SLC25A13: variants seen among roughly 807,000 people sequenced by gnomAD.
SLC25A13 encodes electrogenic aspartate/glutamate antiporter SLC25A13, mitochondrial.
SLC25A13 carries 70 observed loss-of-function variants against 85.5 expected under a neutral mutation model. The ratio of observed to expected loss-of-function variants is 0.82; its 90% CI spans 0.68 to 1.00. The LOEUF is 1.00. Among genes scored for constraint, SLC25A13 ranks in the 50% least tolerant of loss-of-function variants. The pLI, the probability that SLC25A13 is intolerant of heterozygous loss-of-function variation, is 0.00. For missense variants in SLC25A13, 765 were observed against 819.8 expected (o/e 0.93, Z 0.82); for synonymous variants, 259 against 288.7 (o/e 0.90, Z 1.04).
At chr7:96,294,429 T>C (rs1799260774) in intron 2 of SLC25A13, among the ~76,000 whole-genome samples, 1 of 151,666 alleles carries the variant, frequency 6.6e-6, no homozygotes, top group South Asian at 2.1e-4. Context: ...TAAAGTATAA[T>C]AAAAAAATAA....
intron 3 of SLC25A13, among the ~76,000 whole-genome samples, chr7:96,275,532 A>T (rs1247893423): frequency 1.3e-5 from 2 of 152,374 alleles, no homozygotes; most frequent in Admixed American, 6.5e-5. Context: ...TGGCACATAT[A>T]CACCATGGAA....
At position 96,296,922 on chromosome 7, in the gene SLC25A13, A is replaced by G. The variant is rs142466552; in HGVS notation, c.45T>C (p.Ala15=). Residue 15 remains alanine (A), a synonymous_variant, in exon 2 of 18, where the codon GCT becomes GCC. Coordinates refer to ENST00000265631, the MANE Select transcript of SLC25A13 (RefSeq NM_014251.3). ...CCTTCAAAAATATTGTTCTAAGCTC[A>G]GCTGGATCTGCTCTCTTGGTTAAAG... is the stretch of plus-strand genomic sequence containing the variant. ...KVALTKRADP[A]ELRTIFLKYA... is the part of the protein sequence containing the mutation. 17 of 1,613,628 alleles carry G rather than the reference A, an allele frequency of 1.1e-5. No homozygotes were observed. Among genetic ancestry groups the G allele is most frequent in the Non-Finnish European group, 1.4e-5 (17 of 1,179,694 alleles).
intron 15 of SLC25A13, among the ~76,000 whole-genome samples, chr7:96,128,939 G>GCTTGCTCTCT (rs1554336579): frequency 2.4e-5 from 2 of 81,850 alleles, no homozygotes; most frequent in East Asian, 3.8e-4. Context: ...TGCCTTGCTT[G>GCTTGCTCTCT]CTCTCTCTCT....
chr7:96,289,452 A>C (rs905947010), intron 2 of SLC25A13, among the ~76,000 whole-genome samples: 1 of 152,154 alleles, frequency 6.6e-6, no homozygotes, highest in Non-Finnish European at 1.5e-5. Flanking sequence ...AGACGATCAA[A>C]CTTCTCCGAG....
intron 3 of SLC25A13, among the ~76,000 whole-genome samples, chr7:96,267,993 G>A (rs1376407410): frequency 2.0e-5 from 3 of 152,106 alleles, no homozygotes; most frequent in Non-Finnish European, 4.4e-5. Context: ...GTTCCACACT[G>A]GAGATGAAAG....
chr7:96,251,182 G>T (rs1471460647), intron 3 of SLC25A13, among the ~76,000 whole-genome samples: 1 of 152,126 alleles, frequency 6.6e-6, no homozygotes, highest in African/African-American at 2.4e-5. Flanking sequence ...CCTCTAGGTG[G>T]GACCAAGCAC....
At chr7:96,158,444 T>G (rs1793373715) in intron 13 of SLC25A13, among the ~76,000 whole-genome samples, 1 of 152,228 alleles carries the variant, frequency 6.6e-6, no homozygotes, top group South Asian at 2.1e-4. Context: ...AACTGTAATT[T>G]AATCACCCTC....
At chr7:96,220,702 T>C (rs1310427976) in intron 4 of SLC25A13, among the ~76,000 whole-genome samples, 1 of 152,164 alleles carries the variant, frequency 6.6e-6, no homozygotes, top group Admixed American at 6.5e-5. Flanking sequence ...GTTAGCTTTC[T>C]GTTCTCTACA....
chr7:96,161,347 C>T (rs1225484617), intron 13 of SLC25A13, among the ~76,000 whole-genome samples: 1 of 152,164 alleles, frequency 6.6e-6, no homozygotes, highest in African/African-American at 2.4e-5. Context: ...TCCTGCACCC[C>T]TACTCTCCCA....
At chr7:96,205,537 C>G (rs1795426517) in intron 5 of SLC25A13, among the ~76,000 whole-genome samples, 1 of 152,118 alleles carries the variant, frequency 6.6e-6, no homozygotes, top group African/African-American at 2.4e-5. Flanking sequence ...AATGTGACCC[C>G]ACTCCCTGCT....
chr7:96,299,956 G>A (rs139198874), intron 1 of SLC25A13, among the ~76,000 whole-genome samples: 1 of 152,280 alleles, frequency 6.6e-6, no homozygotes, highest in African/African-American at 2.4e-5. Flanking sequence ...CCTGTACAGG[G>A]CAGCTCCACT....
chr7:96,233,727 A>G (rs10257413), intron 4 of SLC25A13, among the ~76,000 whole-genome samples: 2,162 of 152,328 alleles, frequency 0.014, 59 homozygotes, highest in African/African-American at 0.049. Flanking sequence ...GGAAGGGGCT[A>G]AGCTTATCTG....
intron 15 of SLC25A13, among the ~76,000 whole-genome samples, chr7:96,128,943 T>TCTCG (rs1554336594): frequency 1.7e-5 from 2 of 120,516 alleles, no homozygotes; most frequent in African/African-American, 8.3e-5. Context: ...TTGCTTGCTC[T>TCTCG]CTCTCTCTCT....
rs577026179 is a variant in SLC25A13, at chr7:96,293,872, C to T, written c.69+3026G>A. On this transcript the variant is annotated intron_variant, in intron 2 of 17. Coordinates refer to ENST00000265631, the MANE Select transcript of SLC25A13 (RefSeq NM_014251.3). ...TCAACCATTGTGGAAGACAGTGTGG[C>T]AATTCCTCAAGGATCTAGAACTAGA... Among the ~76,000 whole-genome samples the T allele has an allele frequency of 9.3e-3, 1,421 of 152,212 alleles. 16 individuals carry two copies. The highest frequency in any genetic ancestry group is 0.032 in the African/African-American group (1,324 of 41,486).
chr7:96,255,495 G>A (rs1395847826), intron 3 of SLC25A13, among the ~76,000 whole-genome samples: 1 of 152,154 alleles, frequency 6.6e-6, no homozygotes, highest in Non-Finnish European at 1.5e-5. Flanking sequence ...AGACCAGCCT[G>A]GGAAACACAG....
chr7:96,202,219 C>T (rs564087444), intron 5 of SLC25A13, among the ~76,000 whole-genome samples: 1 of 152,292 alleles, frequency 6.6e-6, no homozygotes, highest in African/African-American at 2.4e-5. Flanking sequence ...AGGATCCTTA[C>T]TAATATGAAT....
chr7:96,194,460 AAAAAAAAGG>A (rs1444035082), intron 5 of SLC25A13, among the ~76,000 whole-genome samples: 6 of 148,256 alleles, frequency 4.0e-5, no homozygotes, highest in African/African-American at 1.5e-4. Context: ...AAAAAAAAAA[AAAAAAAAGG>A]AACACCAACA....
At chr7:96,202,898 A>G (rs758378270) in intron 5 of SLC25A13, among the ~76,000 whole-genome samples, 17 of 152,088 alleles carry the variant, frequency 1.1e-4, no homozygotes, top group Non-Finnish European at 2.4e-4. Flanking sequence ...CTGCAAATCT[A>G]TGACTGTCCC....
In SLC25A13 at chr7:96,306,802, AC is replaced by A. The variant is rs1799761323; in HGVS notation, c.16-9852del. ...TACCTCCTAGTGCCCTATCATCTCT[AC>A]CCCCAGGGACTCAGGAGATCATGCA... is the stretch of plus-strand genomic sequence containing the variant. On this transcript the variant is annotated intron_variant, in intron 1 of 17. Transcript: ENST00000265631. The A allele has an allele frequency of 8.3e-5, 113 of 1,354,114 alleles. 2 individuals carry two copies. The South Asian group carries it at 1.2e-3, about 15-fold the overall frequency. 83.9% of individuals were successfully genotyped at this position (1,354,114 alleles called of 1,614,324 possible). A position where few individuals can be genotyped will look rare whatever the true frequency, so the allele number is the denominator to read the frequency against.
Sources: gnomAD v4.1 joint callset for allele counts (sites outside exome capture counted in the v4.1 genomes callset) on GRCh38, gnomAD v4.1.1 for gene constraint, MANE v1.5 for transcripts, NCBI Gene and HGNC (gene_info 2026-07-23, HGNC 2026-07-21) for gene names.